Variants in PLEKHM3 observed in about 807,000 individuals in gnomAD.
PLEKHM3 encodes pleckstrin homology domain-containing family M member 3.
Under a neutral mutation model 81.8 loss-of-function variants are expected in PLEKHM3, and 45 were observed. The ratio of observed to expected loss-of-function variants is 0.55; its 90% confidence interval spans 0.43 to 0.71. The LOEUF (loss-of-function observed/expected upper bound fraction) is 0.71. Ranked by LOEUF, PLEKHM3 falls within the 30% of genes least tolerant of loss-of-function variation. The probability of loss-of-function intolerance (pLI) is 0.00; values close to 1 mark genes in which losing one functional copy is unlikely to be tolerated. For missense variants in PLEKHM3, 788 were observed against 924.3 expected (o/e 0.85, Z 1.91); for synonymous variants, 352 against 356.4 (o/e 0.99, Z 0.14).
Position 207,903,648 on chromosome 2 carries a change from A to C in PLEKHM3, c.1950+4866T>G, listed in dbSNP as rs576553926. On this transcript the variant is annotated intron_variant, in intron 6 of 7. Transcript: ENST00000427836. ...TATCATTTACACAGTCCAAAGACTG[A>C]CATATTAAACCAGAGTTCTGATTTG... 2.0e-5 allele frequency among the ~76,000 whole-genome samples: 3 copies of C among 152,374 alleles called. No individual in the cohort carries two copies. In the East Asian group the frequency reaches 5.8e-4, roughly 29 times the overall value.
intron 1 of PLEKHM3, among the ~76,000 whole-genome samples, chr2:208,014,784 C>A (rs1692825637): frequency 6.6e-6 from 1 of 152,210 alleles, no homozygotes; most frequent in South Asian, 2.1e-4. Context: ...CCTGAACATT[C>A]TGGAGTTGAA....
rs1464029462 is a variant in PLEKHM3 at position 207,865,799 on chromosome 2, AAAAGATATATAT to A, written c.1951-4549_1951-4538del. On this transcript the variant is annotated intron_variant, in intron 6 of 7. Transcript: ENST00000427836. ...TCCGACTCAAAAAAAAAAAAAAAAA[AAAAGATATATAT>A]ATATATATATATATATATATATATA... Among the ~76,000 whole-genome samples the A allele has an allele frequency of 6.0e-4, 21 of 35,106 alleles. 1 individual carries two copies. The highest frequency in any genetic ancestry group is 3.6e-3 in the African/African-American group (20 of 5,566). The allele number at this position is 35,106 out of a possible 152,430, so 23.0% of individuals were successfully genotyped here.
chr2:207,891,003 G>A (rs1688044217), intron 6 of PLEKHM3, among the ~76,000 whole-genome samples: 1 of 152,244 alleles, frequency 6.6e-6, no homozygotes, highest in African/African-American at 2.4e-5. Context: ...TATCAGTAAT[G>A]TGAAATAAAT....
intron 2 of PLEKHM3, among the ~76,000 whole-genome samples, chr2:207,985,376 C>T (rs188941148): frequency 3.9e-5 from 6 of 151,954 alleles, no homozygotes; most frequent in Middle Eastern, 3.4e-3. Flanking sequence ...ACCCTTATGA[C>T]GACTCAGAGT....
chr2:207,856,044 T>C (rs2092435817), intron 7 of PLEKHM3, among the ~76,000 whole-genome samples: 1 of 152,222 alleles, frequency 6.6e-6, no homozygotes, highest in Non-Finnish European at 1.5e-5. Flanking sequence ...CTCTGTACTA[T>C]TTCTGTGATT....
rs540492347 is a variant in PLEKHM3 at position 207,917,766 on chromosome 2, G to A, written c.1887-9189C>T. Among the ~76,000 whole-genome samples, 8 of 152,232 alleles carry A rather than the reference G, an allele frequency of 5.3e-5. No homozygotes were observed. In the East Asian group the frequency reaches 1.6e-3, roughly 30 times the overall value. ...AGGAGGCTGAAGTAGGATTGTTTGAGCTTGGGAGGTCGAGGCTGCAGTGAG... is the reference window on the plus strand; with the variant it reads ...AGGAGGCTGAAGTAGGATTGTTTGAACTTGGGAGGTCGAGGCTGCAGTGAG... On this transcript the variant is annotated intron_variant, in intron 5 of 7. Coordinates refer to ENST00000427836, the MANE Select transcript of PLEKHM3 (RefSeq NM_001080475.3).
chr2:207,901,441 A>G (rs550295978), intron 6 of PLEKHM3: 1 of 672,142 alleles, frequency 1.5e-6, no homozygotes, highest in African/African-American at 1.8e-5. Flanking sequence ...CTCAGCAGGT[A>G]GTAAGGACAT....
rs1428843042 is a variant in PLEKHM3 at position 208,001,546 on chromosome 2, G to A, written c.94C>T (p.Gln32Ter). The change falls in exon 2 of 8, where the codon CAG becomes TAG. Residue 32 changes from glutamine (Q) to a stop codon, truncating the protein, a stop_gained. Transcript: ENST00000427836. LOFTEE classifies it high-confidence loss of function. ...TLDSNLEKAV[Q>*]QAEVYGIQEV... is the part of the protein sequence containing the mutation. ...TGGATCCCATAAACCTCTGCCTGCT[G>A]CACAGCCTTTTCTAGATTACTATCC... 6.2e-7 allele frequency: 1 copy of A among 1,614,180 alleles called. No homozygotes were observed.
At chr2:207,919,419 A>T (rs1009995796) in intron 5 of PLEKHM3, among the ~76,000 whole-genome samples, 21 of 152,290 alleles carry the variant, frequency 1.4e-4, no homozygotes, top group Admixed American at 5.2e-4. Flanking sequence ...TTTATACATT[A>T]GCTATAGTCT....
chr2:207,953,881 C>CTGA (rs1690419744), intron 3 of PLEKHM3, among the ~76,000 whole-genome samples: 1 of 151,486 alleles, frequency 6.6e-6, no homozygotes, highest in Non-Finnish European at 1.5e-5. Flanking sequence ...ATGTTAAAAA[C>CTGA]CATGTTCCTA....
intron 4 of PLEKHM3, among the ~76,000 whole-genome samples, chr2:207,940,596 C>T (rs1198571374): frequency 6.6e-6 from 1 of 152,238 alleles, no homozygotes; most frequent in Non-Finnish European, 1.5e-5. Context: ...ATTCAAGCAA[C>T]TTGCCCCAAC....
In PLEKHM3 at chr2:207,918,641, A is replaced by C. The variant is rs16840168; in HGVS notation, c.1887-10064T>G. 9.6e-3 allele frequency among the ~76,000 whole-genome samples: 1,461 copies of C among 152,308 alleles called. 26 individuals carry two copies. The highest frequency in any genetic ancestry group is 0.032 in the African/African-American group (1,349 of 41,558). On this transcript the variant is annotated intron_variant, in intron 5 of 7. Transcript: ENST00000427836. ...GGAGGATATGCATCAAAGTGGTAGG[A>C]TATGGGTGGCTTTCTTATTTTTGTT...
At chr2:207,932,483 A>G (rs1689627166) in intron 4 of PLEKHM3, among the ~76,000 whole-genome samples, 1 of 152,036 alleles carries the variant, frequency 6.6e-6, no homozygotes, top group African/African-American at 2.4e-5. Context: ...TCAACATTAA[A>G]ATAAACAAAA....
At chr2:207,961,317 G>A (rs1302612987) in intron 3 of PLEKHM3, among the ~76,000 whole-genome samples, 1 of 152,184 alleles carries the variant, frequency 6.6e-6, no homozygotes, top group Non-Finnish European at 1.5e-5. Context: ...ATTTAAAAGA[G>A]AAGCAATTTT....
intron 7 of PLEKHM3, among the ~76,000 whole-genome samples, chr2:207,835,713 C>T (rs1171257008): frequency 6.6e-6 from 1 of 152,126 alleles, no homozygotes; most frequent in Admixed American, 6.6e-5. Context: ...GTATATATAG[C>T]TCTGACTCAG....
chr2:207,833,781 C>T (rs2092302011), intron 7 of PLEKHM3, among the ~76,000 whole-genome samples: 1 of 152,196 alleles, frequency 6.6e-6, no homozygotes, highest in South Asian at 2.1e-4. Flanking sequence ...GTGGAAAATG[C>T]ATCACAGAGG....
intron 3 of PLEKHM3, among the ~76,000 whole-genome samples, chr2:207,960,957 T>C (rs1196741390): frequency 3.3e-5 from 5 of 152,226 alleles, no homozygotes; most frequent in Admixed American, 2.6e-4. Context: ...TTAGGATATG[T>C]CACTTTTGGT....
At chr2:207,912,079 G>A (rs949376920) in intron 5 of PLEKHM3, among the ~76,000 whole-genome samples, 1 of 152,126 alleles carries the variant, frequency 6.6e-6, no homozygotes, top group African/African-American at 2.4e-5. Flanking sequence ...ATAAGGCATC[G>A]TGCTACGTGC....
chr2:207,891,719 T>C (rs1416681462), intron 6 of PLEKHM3, among the ~76,000 whole-genome samples: 2 of 152,218 alleles, frequency 1.3e-5, no homozygotes, highest in African/African-American at 4.8e-5. Context: ...GATAGCCCCC[T>C]TTTAGTTCAT....
Sources: allele counts gnomAD v4.1 joint callset (sites outside exome capture counted in the v4.1 genomes callset), GRCh38; gene constraint gnomAD v4.1.1; transcripts MANE v1.5; gene names NCBI Gene and HGNC (gene_info 2026-07-23, HGNC 2026-07-21).